Variants in SCAMP1 observed in about 807,000 individuals in gnomAD.
SCAMP1 encodes secretory carrier-associated membrane protein 1.
SCAMP1 carries 15 observed loss-of-function variants against 41.8 expected under a neutral mutation model. The ratio of observed to expected loss-of-function variants is 0.36; its 90% CI spans 0.24 to 0.55. The LOEUF is 0.55. SCAMP1 is among the 20% of genes least tolerant of loss of function. SCAMP1 has a pLI of 0.86. For synonymous variants in SCAMP1, 135 were observed against 136.8 expected (o/e 0.99, Z 0.09); for missense variants, 341 against 412.6 (o/e 0.83, Z 1.50).
At chr5:78,398,053 T>C (rs539745209) in intron 2 of SCAMP1, among the ~76,000 whole-genome samples, 1 of 152,340 alleles carries the variant, frequency 6.6e-6, no homozygotes, top group Middle Eastern at 3.4e-3. Flanking sequence ...TCTAGACATT[T>C]GTTAAACGTG....
intron 6 of SCAMP1, among the ~76,000 whole-genome samples, chr5:78,424,095 T>TGGCCTCTGCCCACCTC (rs1208474452): frequency 3.9e-5 from 6 of 151,946 alleles, no homozygotes; most frequent in East Asian, 1.9e-4. Flanking sequence ...CCGCCCACCT[T>TGGCCTCTGCCCACCTC]GGCCTCTGCC....
chr5:78,401,102 G>A (rs1271999566), intron 2 of SCAMP1, among the ~76,000 whole-genome samples: 1 of 152,028 alleles, frequency 6.6e-6, no homozygotes, highest in Non-Finnish European at 1.5e-5. Flanking sequence ...ATGGTCATAT[G>A]ATTTTTCTTT....
At chr5:78,422,006 T>A (rs765507207) in intron 6 of SCAMP1, 46 bp downstream of exon 6, 1 of 1,496,126 alleles carries the variant, frequency 6.7e-7, no homozygotes, top group Non-Finnish European at 9.2e-7. Flanking sequence ...ACCTGTGAAG[T>A]AAATAATTCG....
intron 8 of SCAMP1, among the ~76,000 whole-genome samples, chr5:78,469,602 A>C (rs754828465): frequency 1.3e-5 from 2 of 152,048 alleles, no homozygotes; most frequent in African/African-American, 4.8e-5. Flanking sequence ...GGCATCTTCA[A>C]ATTTGGTAGA....
intron 6 of SCAMP1, among the ~76,000 whole-genome samples, chr5:78,426,768 G>A (rs1313308225): frequency 6.6e-6 from 1 of 152,086 alleles, no homozygotes; most frequent in Non-Finnish European, 1.5e-5. Flanking sequence ...TGTTGCCTGT[G>A]TCTAAAAATT....
chr5:78,437,722 G>A (rs1350408693), intron 6 of SCAMP1, among the ~76,000 whole-genome samples: 1 of 152,184 alleles, frequency 6.6e-6, no homozygotes, highest in African/African-American at 2.4e-5. Flanking sequence ...GATGATGCTG[G>A]CCTCATAAAA....
rs1024544707 is a variant in SCAMP1 at position 78,457,924 on chromosome 5, T to G, written c.735-1321T>G. The G allele has an allele frequency of 2.0e-5, 3 of 153,524 alleles. No homozygotes were observed. The Admixed American group carries it at 2.0e-4, about 10-fold the overall frequency. The allele number at this position is 153,524 out of a possible 1,614,324, so 9.5% of individuals were successfully genotyped here. A position where few individuals can be genotyped will look rare whatever the true frequency, so the allele number is the denominator to read the frequency against. On this transcript the variant is annotated intron_variant, in intron 7 of 8. Coordinates refer to ENST00000621999, the MANE Select transcript of SCAMP1 (RefSeq NM_004866.6). The stretch of plus-strand genomic sequence containing the variant: ...TTAAGCCGGTCCGAAAGGCGCAATA[T>G]TCGGGTGGGAGTGACCCGATTTTCC...
intron 6 of SCAMP1, among the ~76,000 whole-genome samples, chr5:78,422,337 A>C (rs1367561785): frequency 6.6e-6 from 1 of 151,788 alleles, no homozygotes; most frequent in Non-Finnish European, 1.5e-5. Context: ...TTTTTAAATT[A>C]ACCTAAGTAA....
intron 1 of SCAMP1, among the ~76,000 whole-genome samples, chr5:78,387,090 A>C (rs1751360042): frequency 6.6e-6 from 1 of 152,186 alleles, no homozygotes; most frequent in East Asian, 1.9e-4. Flanking sequence ...GAGAACAATT[A>C]TTCTTAGGTT....
intron 7 of SCAMP1, 141 bp downstream of exon 7, chr5:78,450,175 A>G (rs1183047964): frequency 1.7e-6 from 1 of 576,706 alleles, no homozygotes; most frequent in African/African-American, 2.0e-5. Flanking sequence ...TACAATTTTA[A>G]AATGTCATAA....
intron 1 of SCAMP1, among the ~76,000 whole-genome samples, chr5:78,383,980 A>AT (rs1402903711): frequency 6.6e-6 from 1 of 152,120 alleles, no homozygotes; most frequent in African/African-American, 2.4e-5. Flanking sequence ...TGATGATGGT[A>AT]TTTTGATGTT....
At chr5:78,428,064 T>A (rs959011829) in intron 6 of SCAMP1, among the ~76,000 whole-genome samples, 2 of 152,118 alleles carry the variant, frequency 1.3e-5, no homozygotes, top group Non-Finnish European at 2.9e-5. Context: ...ATTTAACTAT[T>A]TTTTTGGTCT....
chr5:78,371,322 G>A (rs1750938707), intron 1 of SCAMP1, among the ~76,000 whole-genome samples: 2 of 152,064 alleles, frequency 1.3e-5, no homozygotes, highest in Admixed American at 6.6e-5. Context: ...GATTCATTTT[G>A]AGTTAATTTT....
chr5:78,427,486 C>T (rs1169882378), intron 6 of SCAMP1, among the ~76,000 whole-genome samples: 1 of 152,122 alleles, frequency 6.6e-6, no homozygotes, highest in Non-Finnish European at 1.5e-5. Flanking sequence ...GTGTACAAGT[C>T]TGTCTATGGC....
At chr5:78,398,141 C>T (rs1462200314) in intron 2 of SCAMP1, among the ~76,000 whole-genome samples, 2 of 152,118 alleles carry the variant, frequency 1.3e-5, no homozygotes, top group Non-Finnish European at 2.9e-5. Context: ...ACATCAAAAC[C>T]AGTACACAAA....
At position 78,442,806 on chromosome 5, in the gene SCAMP1, G is replaced by A. The variant is rs570844681; in HGVS notation, c.633-7127G>A. On this transcript the variant is annotated intron_variant, in intron 6 of 8. Transcript: ENST00000621999. ...AAGAAACACTGCATTGAGCATTTGG[G>A]GTTATTATACTTTAGCTAGTGGTGT... is the stretch of plus-strand genomic sequence containing the variant. Among the ~76,000 whole-genome samples the A allele has an allele frequency of 5.9e-5, 9 of 152,224 alleles. No individual in the cohort carries two copies. In the East Asian group the frequency reaches 1.3e-3, roughly 23 times the overall value.
At chr5:78,403,605 A>T (rs542866662) in intron 2 of SCAMP1, among the ~76,000 whole-genome samples, 3 of 152,290 alleles carry the variant, frequency 2.0e-5, no homozygotes, top group Admixed American at 2.0e-4. Flanking sequence ...AGCCTAGGCA[A>T]TGTAGTGAGA....
chr5:78,437,076 C>T (rs1220513767), intron 6 of SCAMP1, among the ~76,000 whole-genome samples: 3 of 152,252 alleles, frequency 2.0e-5, no homozygotes, highest in Admixed American at 2.0e-4. Flanking sequence ...ATTTTGTATC[C>T]TGAGACTTTG....
At chr5:78,424,082 G>C (rs140847450) in intron 6 of SCAMP1, among the ~76,000 whole-genome samples, 5 of 152,222 alleles carry the variant, frequency 3.3e-5, no homozygotes, top group African/African-American at 7.2e-5. Flanking sequence ...GACCTCAGGT[G>C]ATCCGCCCAC....
Sources: gnomAD v4.1 joint callset for allele counts (sites outside exome capture counted in the v4.1 genomes callset) on GRCh38, gnomAD v4.1.1 for gene constraint, MANE v1.5 for transcripts, NCBI Gene and HGNC (gene_info 2026-07-23, HGNC 2026-07-21) for gene names.